NSUN6: variants seen among roughly 807,000 people sequenced by gnomAD.
NSUN6 encodes NOP2/Sun RNA methyltransferase 6.
A neutral mutation model predicts 58.0 loss-of-function variants in NSUN6; 64 were observed. That is an observed-to-expected ratio of 1.10 (90% CI 0.90 to 1.36). NSUN6 has a LOEUF of 1.36. Ranked by LOEUF, NSUN6 falls within the 40% of genes most tolerant of loss-of-function variation. The pLI is 0.00. For synonymous variants in NSUN6, 231 were observed against 193.9 expected (o/e 1.19, Z -1.59); for missense variants, 701 against 550.1 (o/e 1.27, Z -2.74).
At chr10:18,651,677 C>T (rs1158032728), upstream of NSUN6, 1 of 985,886 alleles carries the variant, frequency 1.0e-6, no homozygotes, top group Non-Finnish European at 1.2e-6. Context: ...CCTCCCTTTC[C>T]GGTCCCCCAA....
chr10:18,632,248 A>G (rs1350258767), intron 3 of NSUN6, among the ~76,000 whole-genome samples: 3 of 151,646 alleles, frequency 2.0e-5, no homozygotes, highest in African/African-American at 7.3e-5. Flanking sequence ...TTATACAAAA[A>G]TCATTTCAAG....
At chr10:18,639,427 G>A (rs2059327277) in intron 3 of NSUN6, among the ~76,000 whole-genome samples, 1 of 152,266 alleles carries the variant, frequency 6.6e-6, no homozygotes, top group East Asian at 1.9e-4. Context: ...CTGGGAGGGG[G>A]AGGTTGCAGT....
chr10:18,621,456 C>T (rs2058603754), intron 3 of NSUN6, among the ~76,000 whole-genome samples: 2 of 152,038 alleles, frequency 1.3e-5, no homozygotes, highest in African/African-American at 4.8e-5. Flanking sequence ...CCAGGACTGA[C>T]AATATAAAAA....
chr10:18,610,440 T>C (rs1267198623), intron 5 of NSUN6, among the ~76,000 whole-genome samples: 1 of 152,212 alleles, frequency 6.6e-6, no homozygotes, highest in Admixed American at 6.5e-5. Flanking sequence ...TACGAAGCCA[T>C]CAGAACTAAA....
chr10:18,564,155 C>G (rs377019111), intron 8 of NSUN6, among the ~76,000 whole-genome samples: 2 of 151,240 alleles, frequency 1.3e-5, no homozygotes, highest in East Asian at 3.9e-4. Context: ...TTCTCCATTA[C>G]AGTCCATTCC....
At chr10:18,656,567 G>A (rs1251434660), upstream of NSUN6, among the ~76,000 whole-genome samples, 1 of 152,086 alleles carries the variant, frequency 6.6e-6, no homozygotes, top group South Asian at 2.1e-4. Context: ...GATCAGAGTT[G>A]TATAAGTAAT....
At chr10:18,584,695 G>C (rs571236797) in intron 8 of NSUN6, among the ~76,000 whole-genome samples, 1 of 152,190 alleles carries the variant, frequency 6.6e-6, no homozygotes, top group Admixed American at 6.5e-5. Flanking sequence ...TAGCTCTGAG[G>C]TGGACAAATG....
chr10:18,611,949 T>A (rs1299115052), intron 5 of NSUN6, among the ~76,000 whole-genome samples: 1 of 152,150 alleles, frequency 6.6e-6, no homozygotes, highest in East Asian at 1.9e-4. Context: ...ACTACCTTAC[T>A]CATTTGTTTA....
rs1012732234 is a variant in NSUN6 at position 18,545,843 on chromosome 10, T to G, written c.*90A>C. 6.7e-6 allele frequency: 5 copies of G among 745,220 alleles called. No individual in the cohort carries two copies. In the African/African-American group the frequency reaches 9.6e-5, roughly 14 times the overall value. The allele number at this position is 745,220 out of a possible 1,614,324, so 46.2% of individuals were successfully genotyped here. ...GTTTCCATAGCAACCACATCATCAT[T>G]CAGTTGGCCTGACAACACTTTGGTT... is the stretch of plus-strand genomic sequence containing the variant. On this transcript the variant is annotated 3_prime_UTR_variant, in exon 11 of 11. Coordinates refer to ENST00000377304, the MANE Select transcript of NSUN6 (RefSeq NM_182543.5).
chr10:18,593,629 T>C, intron 7 of NSUN6, among the ~76,000 whole-genome samples: 1 of 152,058 alleles, frequency 6.6e-6, no homozygotes, highest in Admixed American at 6.6e-5. Context: ...ACACCACATG[T>C]TCTCACTCAT....
intron 6 of NSUN6, among the ~76,000 whole-genome samples, chr10:18,600,959 T>TATATACAC: frequency 1.5e-4 from 10 of 64,946 alleles, no homozygotes; most frequent in African/African-American, 3.7e-4. Context: ...TATATATATA[T>TATATACAC]ACATATATAT....
intron 10 of NSUN6, among the ~76,000 whole-genome samples, chr10:18,547,256 A>C (rs145844135): frequency 7.3e-4 from 111 of 152,328 alleles, no homozygotes; most frequent in African/African-American, 2.5e-3. Flanking sequence ...TCAGACATAT[A>C]CTTAAGAAAA....
At chr10:18,554,774 G>T (rs1343302581) in intron 8 of NSUN6, among the ~76,000 whole-genome samples, 1 of 151,344 alleles carries the variant, frequency 6.6e-6, no homozygotes, top group Admixed American at 6.6e-5. Context: ...ATGGAGAGTG[G>T]ATGGAATGTA....
rs140674720 is a variant in NSUN6, at chr10:18,651,319, C to G, written c.-116G>C. 7 of 1,417,424 alleles carry G rather than the reference C, an allele frequency of 4.9e-6. No homozygotes were observed. The East Asian group carries it at 1.6e-4, about 33-fold the overall frequency. 87.8% of individuals were successfully genotyped at this position (1,417,424 alleles called of 1,614,324 possible). ...CTTGACACCAGATGCTGAGGAAAATCTTGCCGATCACGCTGAGTTAATTTC... is the reference window on the plus strand; with the variant it reads ...CTTGACACCAGATGCTGAGGAAAATGTTGCCGATCACGCTGAGTTAATTTC... On this transcript the variant is annotated 5_prime_UTR_variant, in exon 1 of 11. Coordinates refer to ENST00000377304, the MANE Select transcript of NSUN6 (RefSeq NM_182543.5).
intron 8 of NSUN6, among the ~76,000 whole-genome samples, chr10:18,559,625 T>C (rs1028040053): frequency 1.3e-5 from 2 of 150,396 alleles, no homozygotes; most frequent in African/African-American, 2.4e-5. Flanking sequence ...CGGAATGGAA[T>C]GGAGAATGGA....
intron 4 of NSUN6, among the ~76,000 whole-genome samples, chr10:18,615,128 T>TATATATACACAC (rs562207637): frequency 4.1e-5 from 6 of 148,004 alleles, no homozygotes; most frequent in African/African-American, 1.5e-4. Context: ...TATATATATA[T>TATATATACACAC]ACACACACAT....
intron 3 of NSUN6, among the ~76,000 whole-genome samples, chr10:18,626,452 T>C (rs945068522): frequency 6.6e-6 from 1 of 152,162 alleles, no homozygotes; most frequent in African/African-American, 2.4e-5. Context: ...AATCTCCTCA[T>C]TTCTCATAAT....
rs757910756 is a variant in NSUN6, at chr10:18,596,205, C to T, written c.777+3G>A. On this transcript the variant is annotated splice_donor_region_variant and intron_variant, in intron 7 of 10. Transcript: ENST00000377304. ...AGTGGATTTGCTGTGAAGACAGTCT[C>T]ACCTGATCATGCATTAGTGCTGCAA... 1.2e-6 allele frequency: 2 copies of T among 1,610,396 alleles called. No individual in the cohort carries two copies. Among genetic ancestry groups the T allele is most frequent in the African/African-American group, 1.3e-5 (1 of 74,988 alleles).
At chr10:18,552,812 A>T (rs1310512363) in intron 8 of NSUN6, among the ~76,000 whole-genome samples, 1 of 137,912 alleles carries the variant, frequency 7.3e-6, no homozygotes, top group Non-Finnish European at 1.7e-5. Flanking sequence ...CAAATTCCCT[A>T]ATCAATTCCA....
Sources: gnomAD v4.1 joint callset for allele counts (sites outside exome capture counted in the v4.1 genomes callset) on GRCh38, gnomAD v4.1.1 for gene constraint, MANE v1.5 for transcripts, NCBI Gene and HGNC (gene_info 2026-07-23, HGNC 2026-07-21) for gene names.